Variants in RHBG observed in about 807,000 individuals in gnomAD.
RHBG encodes Rh family B glycoprotein.
Under a neutral mutation model 40.1 loss-of-function variants are expected in RHBG, and 39 were observed. The ratio of observed to expected loss-of-function variants is 0.97; its 90% CI spans 0.75 to 1.27. RHBG has a LOEUF of 1.27. Ranked by LOEUF, RHBG falls within the 50% of genes most tolerant of loss-of-function variation. The pLI is 0.00. For missense variants in RHBG, 549 were observed against 588.1 expected, an observed-to-expected ratio of 0.93 and a Z score of 0.69; for synonymous variants, 237 against 252.5, an observed-to-expected ratio of 0.94 and a Z score of 0.58.
chr1:156,380,264 C>A (rs528777939), intron 4 of RHBG, among the ~76,000 whole-genome samples: 18 of 151,904 alleles, frequency 1.2e-4, no homozygotes, highest in Admixed American at 7.2e-4. Context: ...GAGTGTGCCA[C>A]CATGCCTGGC....
Position 156,378,416 on chromosome 1 carries a change from G to A in RHBG, c.673+17G>A. 1 of 1,576,206 alleles carries A rather than the reference G, an allele frequency of 6.3e-7. No homozygotes were observed. Among genetic ancestry groups the A allele is most frequent in the Non-Finnish European group, 8.6e-7 (1 of 1,158,646 alleles). ...CCATGATTGGTGAGGCCTTCGAGGT[G>A]CGGTAGCAGGGCAGGGGGCTGGTCT... On this transcript the variant is annotated intron_variant, in intron 4 of 9. Transcript: ENST00000537040.
In RHBG at chr1:156,378,332, G is replaced by GC; in HGVS notation, c.610dup (p.Gln204ProfsTer32). The GC allele has an allele frequency of 6.2e-7, 1 of 1,613,874 alleles. No homozygotes were observed. Among genetic ancestry groups the GC allele is most frequent in the Non-Finnish European group, 8.5e-7 (1 of 1,179,902 alleles). On this transcript the variant is annotated frameshift_variant, in exon 4 of 10. Coordinates refer to ENST00000537040, the MANE Select transcript of RHBG (RefSeq NM_020407.5). LOFTEE classifies it high-confidence loss of function. ...TCGTCCTTTCGCGGGTTCTGTACAG[G>GC]CCCCAGCTGGAGAAGAGCAAGCACC...
At chr1:156,372,024 G>C (rs55745020) in intron 1 of RHBG, 38,020 of 152,188 alleles carry the variant, frequency 0.25, 4,859 homozygotes, top group East Asian at 0.39. Context: ...GCTTTGATGA[G>C]CCGGGTCCTC....
Position 156,382,880 on chromosome 1 carries a change from T to A in RHBG, c.1234+11T>A, listed in dbSNP as rs374252974. On this transcript the variant is annotated intron_variant, in intron 8 of 9. Coordinates refer to ENST00000537040, the MANE Select transcript of RHBG (RefSeq NM_020407.5). ...GCGGGGGCCTTGGAGGTGAGTAACC[T>A]TGGATTTTCTAGAGGAAGGGGCATG... 3 of 1,614,084 alleles carry A rather than the reference T, an allele frequency of 1.9e-6. No individual in the cohort carries two copies. In the African/African-American group the frequency reaches 4.0e-5, roughly 22 times the overall value.
At chr1:156,375,456 A>C (rs745558610) in intron 1 of RHBG, among the ~76,000 whole-genome samples, 857 of 22,276 alleles carry the variant, frequency 0.038, 3 homozygotes, top group African/African-American at 0.075. Flanking sequence ...ATATGGCACA[A>C]AAAAAAAAAA....
chr1:156,380,342 C>T (rs997683831), intron 4 of RHBG, among the ~76,000 whole-genome samples: 3 of 151,866 alleles, frequency 2.0e-5, no homozygotes, highest in Admixed American at 6.6e-5. Context: ...CCTTGTGATC[C>T]GCCTGCCTCG....
rs1279055631 is a variant in RHBG at position 156,378,070 on chromosome 1, T to G, written c.455T>G (p.Leu152Arg). The change falls in exon 3 of 10, where the codon CTG becomes CGG. Residue 152 changes from leucine to arginine, a missense_variant. Coordinates refer to ENST00000537040, the MANE Select transcript of RHBG (RefSeq NM_020407.5). ...AVLGKTGPTQ[L>R]LLMALLEVVL... is the part of the protein sequence containing the mutation. ...CTGGGCAAGACCGGGCCTACCCAGC[T>G]GCTGCTCATGGCCCTGCTGGAGGTG... The G allele has an allele frequency of 3.7e-6, 6 of 1,609,118 alleles. No homozygotes were observed. The African/African-American group carries it at 4.0e-5, about 11-fold the overall frequency.
At chr1:156,375,715 T>A (rs2842853) in intron 1 of RHBG, among the ~76,000 whole-genome samples, 131,598 of 151,766 alleles carry the variant, frequency 0.87, 57,380 homozygotes, top group Non-Finnish European at 0.91. Context: ...TTCCACAAAA[T>A]AAAGGGGAGC....
At chr1:156,379,903 C>T (rs968536131) in intron 4 of RHBG, among the ~76,000 whole-genome samples, 1 of 152,120 alleles carries the variant, frequency 6.6e-6, no homozygotes, top group African/African-American at 2.4e-5. Flanking sequence ...TGCAGGAAGG[C>T]AGGGTAAATG....
chr1:156,378,275 GA>G lies in RHBG; in HGVS notation c.550del (p.Thr184LeufsTer40), dbSNP rs763644411. ...AGGTGAGAGATGCCGGAGGCTCCAT[GA>G]CTATCCACACCTTTGGTGCCTACTT... Reference protein sequence around the residue: ...LGVRDAGGSMTIHTFGAYFGL... With the variant: ...LGVRDAGGSMXIHTFGAYFGL... On this transcript the variant is annotated frameshift_variant, in exon 4 of 10. Coordinates refer to ENST00000537040, the MANE Select transcript of RHBG (RefSeq NM_020407.5). LOFTEE classifies it high-confidence loss of function. 1 of 1,613,996 alleles carries G rather than the reference GA, an allele frequency of 6.2e-7. No individual in the cohort carries two copies. Among genetic ancestry groups the G allele is most frequent in the Non-Finnish European group, 8.5e-7 (1 of 1,180,006 alleles).
Position 156,377,497 on chromosome 1 carries a change from C to T in RHBG, c.374+10C>T, listed in dbSNP as rs559942647. 132 of 1,599,486 alleles carry T rather than the reference C, an allele frequency of 8.3e-5. No homozygotes were observed. Among genetic ancestry groups the T allele is most frequent in the South Asian group, 3.2e-4 (29 of 90,648 alleles). Reference sequence around the variant, plus strand: ...ATGTTGGCGTGGAGAGGTGGGCAGCCGCCACCCACCCAGCTCCCCAAGGTT... The same window carrying T: ...ATGTTGGCGTGGAGAGGTGGGCAGCTGCCACCCACCCAGCTCCCCAAGGTT... On this transcript the variant is annotated intron_variant, in intron 2 of 9. Coordinates refer to ENST00000537040, the MANE Select transcript of RHBG (RefSeq NM_020407.5). This position sits in a 1 kb window ranked among gnomAD's most constrained non-coding sequence, Gnocchi z 4.6.
chr1:156,383,400 C>T (rs1316066112), intron 8 of RHBG, among the ~76,000 whole-genome samples: 4 of 152,198 alleles, frequency 2.6e-5, no homozygotes, highest in Non-Finnish European at 5.9e-5. Context: ...CCTCAGCCTC[C>T]GAGTAGCTGG....
At chr1:156,374,054 G>A (rs1298475980) in intron 1 of RHBG, among the ~76,000 whole-genome samples, 1 of 152,152 alleles carries the variant, frequency 6.6e-6, no homozygotes, top group Non-Finnish European at 1.5e-5. Context: ...CCCCTAGGCT[G>A]GTTAGGATGG....
intron 1 of RHBG, among the ~76,000 whole-genome samples, chr1:156,373,651 G>C (rs1430623448): frequency 6.6e-6 from 1 of 152,200 alleles, no homozygotes; most frequent in African/African-American, 2.4e-5. Flanking sequence ...CCAGTTGAAA[G>C]GCCAGAGCCT....
intron 1 of RHBG, among the ~76,000 whole-genome samples, chr1:156,372,050 C>T (rs1666894297): frequency 6.6e-6 from 1 of 152,146 alleles, no homozygotes; most frequent in Non-Finnish European, 1.5e-5. Flanking sequence ...TCCTTGTGCC[C>T]AAGGGAAGGG....
chr1:156,376,513 G>GCA (rs1283986744), intron 1 of RHBG, among the ~76,000 whole-genome samples: 1 of 152,078 alleles, frequency 6.6e-6, no homozygotes, highest in East Asian at 1.9e-4. Flanking sequence ...ACAGGTGCGT[G>GCA]CCACCATGCC....
chr1:156,371,013 G>T (rs1373332129), intron 1 of RHBG, among the ~76,000 whole-genome samples: 1 of 151,704 alleles, frequency 6.6e-6, no homozygotes, highest in Non-Finnish European at 1.5e-5. Flanking sequence ...TATCACAAGT[G>T]CTTGGGCAGG....
intron 4 of RHBG, among the ~76,000 whole-genome samples, chr1:156,380,725 CA>C (rs564713959): frequency 0.016 from 1,309 of 81,948 alleles, 10 homozygotes; most frequent in Admixed American, 0.044. Context: ...GACCTTGTCT[CA>C]AAAAAAAAAA....
intron 8 of RHBG, among the ~76,000 whole-genome samples, chr1:156,383,401 G>A (rs1407002923): frequency 4.0e-5 from 6 of 151,796 alleles, no homozygotes; most frequent in South Asian, 2.1e-4. Flanking sequence ...CTCAGCCTCC[G>A]AGTAGCTGGG....
Sources: allele counts gnomAD v4.1 joint callset (sites outside exome capture counted in the v4.1 genomes callset), GRCh38; gene constraint gnomAD v4.1.1; non-coding constraint Gnocchi (gnomAD v3.1); transcripts MANE v1.5; gene names NCBI Gene and HGNC (gene_info 2026-07-23, HGNC 2026-07-21).